CNBD1: variants seen among roughly 807,000 people sequenced by gnomAD.
CNBD1 encodes the protein cyclic nucleotide-binding domain-containing protein 1.
In CNBD1, 71 loss-of-function variants were observed where a neutral mutation model predicts 54.4. The observed-to-expected ratio is 1.30, with a 90% confidence interval of 1.08 to 1.59. CNBD1 has a LOEUF of 1.59. Ranked by LOEUF, CNBD1 falls within the 40% of genes most tolerant of loss-of-function variation. The pLI, the probability that CNBD1 is intolerant of heterozygous loss-of-function variation, is 0.00. For synonymous variants in CNBD1, 182 were observed against 170.7 expected, an observed-to-expected ratio of 1.07 and a Z score of -0.51; for missense variants, 659 against 518.0, an observed-to-expected ratio of 1.27 and a Z score of -2.64.
At chr8:87,350,042 C>G (rs1224878282) in intron 8 of CNBD1, among the ~76,000 whole-genome samples, 1 of 152,118 alleles carries the variant, frequency 6.6e-6, no homozygotes, top group Non-Finnish European at 1.5e-5. Context: ...TGCATTATTT[C>G]CTTATCTATA....
chr8:87,348,738 A>C (rs1351804255), intron 8 of CNBD1, among the ~76,000 whole-genome samples: 8 of 152,192 alleles, frequency 5.3e-5, no homozygotes, highest in South Asian at 4.1e-4. Flanking sequence ...GACCTTCACT[A>C]TCCCAGTGCT....
intron 4 of CNBD1, among the ~76,000 whole-genome samples, chr8:86,979,522 C>T (rs886634331): frequency 8.0e-5 from 12 of 150,926 alleles, no homozygotes; most frequent in East Asian, 2.0e-4. Flanking sequence ...CTAGCAAAGT[C>T]GAGACTGTAG....
intron 4 of CNBD1, among the ~76,000 whole-genome samples, chr8:87,026,991 T>G (rs554438970): frequency 6.6e-6 from 1 of 152,322 alleles, no homozygotes; most frequent in East Asian, 1.9e-4. Flanking sequence ...CTATTTTTAT[T>G]GTATCAATAA....
rs544810278 is a variant in CNBD1, at chr8:87,106,517, C to T, written c.432-99476C>T. 2.2e-4 allele frequency among the ~76,000 whole-genome samples: 33 copies of T among 152,202 alleles called. No individual in the cohort carries two copies. The South Asian group carries it at 4.4e-3, about 20-fold the overall frequency. ...TGAGCCACTGCACTCAGACAATATT[C>T]GATGTTTCTATAGATAATTCAGTTA... is the stretch of plus-strand genomic sequence containing the variant. On this transcript the variant is annotated intron_variant, in intron 4 of 10. Coordinates refer to ENST00000518476, the MANE Select transcript of CNBD1 (RefSeq NM_173538.3).
chr8:87,133,938 T>C (rs59405790), intron 4 of CNBD1, among the ~76,000 whole-genome samples: 53,503 of 151,886 alleles, frequency 0.35, 10,087 homozygotes, highest in African/African-American at 0.5. Context: ...TTTGGTTTAG[T>C]TCCTATCTCA....
chr8:86,893,201 G>A (rs1808798853), intron 2 of CNBD1, among the ~76,000 whole-genome samples: 1 of 152,170 alleles, frequency 6.6e-6, no homozygotes, highest in African/African-American at 2.4e-5. Flanking sequence ...TAACAAGTTG[G>A]AGGCTTATAA....
intron 4 of CNBD1, among the ~76,000 whole-genome samples, chr8:86,946,708 TTTA>T (rs199702912): frequency 9.1e-6 from 1 of 109,528 alleles, no homozygotes; most frequent in Non-Finnish European, 2.1e-5. Context: ...GTATTACAGA[TTTA>T]ATAACAATGG....
At chr8:87,248,483 A>G (rs2130836704) in intron 6 of CNBD1, among the ~76,000 whole-genome samples, 1 of 152,264 alleles carries the variant, frequency 6.6e-6, no homozygotes, top group Admixed American at 6.5e-5. Context: ...AATTGCTTCT[A>G]TTCTTTGTGT....
chr8:87,065,010 T>TA (rs1189855197), intron 4 of CNBD1, among the ~76,000 whole-genome samples: 2 of 151,946 alleles, frequency 1.3e-5, no homozygotes, highest in African/African-American at 4.8e-5. Flanking sequence ...GCAATAATTT[T>TA]AAAAATAAGT....
At chr8:87,016,706 G>A (rs910108978) in intron 4 of CNBD1, among the ~76,000 whole-genome samples, 10 of 152,162 alleles carry the variant, frequency 6.6e-5, no homozygotes, top group African/African-American at 2.4e-4. Context: ...GCCCTTGTTT[G>A]AATTAATGCA....
intron 8 of CNBD1, among the ~76,000 whole-genome samples, chr8:87,289,628 G>A (rs1041755913): frequency 3.3e-5 from 5 of 151,928 alleles, no homozygotes; most frequent in Admixed American, 3.3e-4. Context: ...CATGTTAATT[G>A]GAAAAACTAA....
At position 87,021,181 on chromosome 8, in the gene CNBD1, C is replaced by T. The variant is rs149861036; in HGVS notation, c.431+81427C>T. The stretch of plus-strand genomic sequence containing the variant: ...GGCACGTGTTCTCAAGACCTCCTGA[C>T]GGCTATGTCATGGGCCATGGTCACT... On this transcript the variant is annotated intron_variant, in intron 4 of 10. Transcript: ENST00000518476. Among the ~76,000 whole-genome samples, 292 of 152,314 alleles carry T rather than the reference C, an allele frequency of 1.9e-3. 2 individuals are homozygous for T. Among genetic ancestry groups the T allele is most frequent in the Non-Finnish European group, 9.6e-4 (65 of 68,024 alleles).
chr8:87,291,075 C>A (rs984222431), intron 8 of CNBD1, among the ~76,000 whole-genome samples: 1 of 152,168 alleles, frequency 6.6e-6, no homozygotes, highest in Non-Finnish European at 1.5e-5. Flanking sequence ...TTGTTATTCA[C>A]CCACTTAGAA....
At chr8:87,139,162 T>C (rs914816994) in intron 4 of CNBD1, among the ~76,000 whole-genome samples, 2 of 152,220 alleles carry the variant, frequency 1.3e-5, no homozygotes, top group Non-Finnish European at 2.9e-5. Flanking sequence ...TCTTAGTTCT[T>C]TATTTTCAAA....
At chr8:87,416,442 G>T (rs1339674376) in intron 2 of CNBD1, among the ~76,000 whole-genome samples, 2 of 151,994 alleles carry the variant, frequency 1.3e-5, no homozygotes. Context: ...GTTTTAGCTT[G>T]TCCTATAGCC....
At chr8:87,225,724 G>A (rs568808212) in intron 5 of CNBD1, among the ~76,000 whole-genome samples, 17 of 151,846 alleles carry the variant, frequency 1.1e-4, no homozygotes, top group African/African-American at 3.1e-4. Flanking sequence ...GTCTCTGCTC[G>A]GCTTTGGTAT....
At chr8:87,092,415 GTGTA>G (rs57005931) in intron 4 of CNBD1, among the ~76,000 whole-genome samples, 33,167 of 143,606 alleles carry the variant, frequency 0.23, 3,891 homozygotes, top group Non-Finnish European at 0.28. Flanking sequence ...GTATATGTGT[GTGTA>G]TGTATGTATG....
chr8:86,922,655 TA>T (rs967760686), intron 3 of CNBD1, among the ~76,000 whole-genome samples: 122 of 151,660 alleles, frequency 8.0e-4, no homozygotes, highest in African/African-American at 2.8e-3. Context: ...AAGTCTGAGT[TA>T]AAAAAAAATC....
At chr8:87,023,059 G>A (rs1809520098) in intron 4 of CNBD1, among the ~76,000 whole-genome samples, 1 of 151,152 alleles carries the variant, frequency 6.6e-6, no homozygotes. Context: ...TGTTCTCAGT[G>A]TCCAGCTCCT....
Sources: gnomAD v4.1 joint callset for allele counts (sites outside exome capture counted in the v4.1 genomes callset) on GRCh38, gnomAD v4.1.1 for gene constraint, MANE v1.5 for transcripts, NCBI Gene and HGNC (gene_info 2026-07-23, HGNC 2026-07-21) for gene names.